PDE9A: variants seen among roughly 807,000 people sequenced by gnomAD.
PDE9A encodes phosphodiesterase 9A.
A neutral mutation model predicts 87.4 loss-of-function variants in PDE9A; 60 were observed. The ratio of observed to expected loss-of-function variants is 0.69; its 90% confidence interval spans 0.56 to 0.85. The LOEUF (loss-of-function observed/expected upper bound fraction) is 0.85. PDE9A is among the 40% of genes least tolerant of loss of function. The pLI is 0.00. For missense variants in PDE9A, 665 were observed against 779.0 expected, an observed-to-expected ratio of 0.85 and a Z score of 1.74; for synonymous variants, 272 against 279.4, an observed-to-expected ratio of 0.97 and a Z score of 0.27.
At chr21:42,761,197 C>T (rs2055725552) in intron 13 of PDE9A, among the ~76,000 whole-genome samples, 2 of 152,256 alleles carry the variant, frequency 1.3e-5, no homozygotes, top group Admixed American at 1.3e-4. Context: ...GCCCCGCCGG[C>T]GCCTTCTCCA....
At chr21:42,726,594 A>ATG (rs2051072286) in intron 4 of PDE9A, among the ~76,000 whole-genome samples, 1 of 27,906 alleles carries the variant, frequency 3.6e-5, no homozygotes, top group African/African-American at 2.3e-4. Context: ...ACGCCTGGCC[A>ATG]TATATATATA....
rs189727954 is a variant in PDE9A, at chr21:42,708,991, A to T, written c.262+9980A>T. 1.4e-4 allele frequency among the ~76,000 whole-genome samples: 21 copies of T among 152,340 alleles called. 1 individual carries two copies. The East Asian group carries it at 4.0e-3, about 29-fold the overall frequency. ...GAATATAAATCATTCTATTATAAAG[A>T]TATATCTACATGTATGTTCATTGTA... On this transcript the variant is annotated intron_variant, in intron 4 of 19. Transcript: ENST00000291539.
intron 1 of PDE9A, among the ~76,000 whole-genome samples, chr21:42,664,148 G>A: frequency 6.6e-6 from 1 of 152,242 alleles, no homozygotes; most frequent in East Asian, 1.9e-4. Flanking sequence ...GAGAAAGCTG[G>A]GGGTTTAGTG....
At chr21:42,730,054 T>C (rs1012336456) in intron 4 of PDE9A, among the ~76,000 whole-genome samples, 4 of 152,230 alleles carry the variant, frequency 2.6e-5, no homozygotes, top group African/African-American at 9.7e-5. Context: ...CTGAGATCAT[T>C]TACTCTCAAA....
chr21:42,660,924 G>A lies in PDE9A; in HGVS notation c.69+7041G>A, dbSNP rs537042175. On this transcript the variant is annotated intron_variant, in intron 1 of 19. Coordinates refer to ENST00000291539, the MANE Select transcript of PDE9A (RefSeq NM_002606.3). This position sits in a 1 kb window ranked among gnomAD's most constrained non-coding sequence, Gnocchi z 4.7. ...CAAATCCCGAAGCTGGTCACGCAACGGGAGCATTGGCCCTGAACAGAAACC... is the reference window on the plus strand; with the variant it reads ...CAAATCCCGAAGCTGGTCACGCAACAGGAGCATTGGCCCTGAACAGAAACC... 6.6e-5 allele frequency among the ~76,000 whole-genome samples: 10 copies of A among 152,232 alleles called. No homozygotes were observed. The highest frequency in any genetic ancestry group is 1.9e-4 in the East Asian group (1 of 5,180).
At chr21:42,725,371 G>T (rs1016669671) in intron 4 of PDE9A, among the ~76,000 whole-genome samples, 3 of 152,056 alleles carry the variant, frequency 2.0e-5, no homozygotes, top group Non-Finnish European at 2.9e-5. Context: ...TCCTGAGTAG[G>T]TGTGATTACA....
At chr21:42,658,495 C>T (rs529466813) in intron 1 of PDE9A, among the ~76,000 whole-genome samples, 6 of 152,324 alleles carry the variant, frequency 3.9e-5, no homozygotes, top group South Asian at 2.1e-4. Flanking sequence ...CCGGCTCCTG[C>T]GTGCCTTTCC....
intron 4 of PDE9A, among the ~76,000 whole-genome samples, chr21:42,728,835 A>G (rs2051413659): frequency 6.6e-6 from 1 of 152,072 alleles, no homozygotes; most frequent in Non-Finnish European, 1.5e-5. Flanking sequence ...CCCCGGCTCT[A>G]CTAAAAATAC....
In PDE9A at chr21:42,704,515, G is replaced by T. The variant is rs2048659486; in HGVS notation, c.262+5504G>T. On this transcript the variant is annotated intron_variant, in intron 4 of 19. Transcript: ENST00000291539. The surrounding 1 kb of genome is among the most constrained non-coding windows in gnomAD (Gnocchi z 5.3). ...TTACAGAACATTTTTTCCATTTGGGGTTTGTCCTTAGGAATTCTTCACTCT... is the reference window on the plus strand; with the variant it reads ...TTACAGAACATTTTTTCCATTTGGGTTTTGTCCTTAGGAATTCTTCACTCT... Among the ~76,000 whole-genome samples the T allele has an allele frequency of 6.6e-6, 1 of 150,914 alleles. No individual in the cohort carries two copies. The highest frequency in any genetic ancestry group is 6.6e-5 in the Admixed American group (1 of 15,200).
chr21:42,765,360 C>A (rs373362253), intron 14 of PDE9A, 21 bp from the exon 15 acceptor site: 18 of 1,420,956 alleles, frequency 1.3e-5, no homozygotes, highest in East Asian at 2.3e-5. Context: ...CGTGTTAACA[C>A]GTTGTTCTCT....
chr21:42,668,241 T>G (rs1168989130), intron 1 of PDE9A, among the ~76,000 whole-genome samples: 1 of 147,492 alleles, frequency 6.8e-6, no homozygotes, highest in African/African-American at 2.5e-5. Context: ...TACCCCACCC[T>G]CCCCATTCCT....
chr21:42,738,211 C>T (rs571013630), intron 7 of PDE9A, among the ~76,000 whole-genome samples: 9 of 152,290 alleles, frequency 5.9e-5, no homozygotes, highest in Admixed American at 2.0e-4. Flanking sequence ...AGGAGCTGAC[C>T]GGCTGGGGCA....
At chr21:42,670,183 AC>A (rs2058339249) in intron 1 of PDE9A, among the ~76,000 whole-genome samples, 2 of 140,128 alleles carry the variant, frequency 1.4e-5, no homozygotes, top group African/African-American at 5.5e-5. Flanking sequence ...GCACACATAC[AC>A]TTACACACAT....
chr21:42,680,294 C>T (rs1442037435), intron 1 of PDE9A, among the ~76,000 whole-genome samples: 1 of 152,174 alleles, frequency 6.6e-6, no homozygotes, highest in Non-Finnish European at 1.5e-5. Flanking sequence ...AGCTAGCCAG[C>T]GGGGCTTAAG....
intron 7 of PDE9A, among the ~76,000 whole-genome samples, chr21:42,737,993 T>C (rs2052650172): frequency 6.6e-6 from 1 of 152,230 alleles, no homozygotes; most frequent in Non-Finnish European, 1.5e-5. Context: ...TTCCCTTACG[T>C]TACGGATTAT....
intron 7 of PDE9A, among the ~76,000 whole-genome samples, chr21:42,742,071 A>G (rs1255457864): frequency 6.6e-6 from 1 of 152,190 alleles, no homozygotes; most frequent in South Asian, 2.1e-4. Flanking sequence ...TCTGGGGTAA[A>G]CGTGCAGTCA....
At chr21:42,655,356 C>G (rs1028610085) in intron 1 of PDE9A, among the ~76,000 whole-genome samples, 1 of 152,128 alleles carries the variant, frequency 6.6e-6, no homozygotes, top group Non-Finnish European at 1.5e-5. Context: ...AAAGATGTCC[C>G]GGGAGCAGCT....
At chr21:42,757,054 G>C (rs1381642876) in intron 10 of PDE9A, 1 of 152,376 alleles carries the variant, frequency 6.6e-6, no homozygotes, top group Admixed American at 6.5e-5. Context: ...TGGCGTCCAG[G>C]ATGGTGGGGG....
At chr21:42,708,758 G>A (rs1403669572) in intron 4 of PDE9A, among the ~76,000 whole-genome samples, 1 of 152,062 alleles carries the variant, frequency 6.6e-6, no homozygotes, top group Non-Finnish European at 1.5e-5. Context: ...GTTTCACCAT[G>A]TTGGCCAGGC....
Sources: gnomAD v4.1 joint callset for allele counts (sites outside exome capture counted in the v4.1 genomes callset) on GRCh38, gnomAD v4.1.1 for gene constraint, Gnocchi (gnomAD v3.1) non-coding constraint, MANE v1.5 for transcripts, NCBI Gene and HGNC (gene_info 2026-07-23, HGNC 2026-07-21) for gene names.